PKP2: variants seen among roughly 807,000 people sequenced by gnomAD.
PKP2 encodes plakophilin-2.
In PKP2, 73 loss-of-function variants were observed where a neutral mutation model predicts 83.4. The ratio of observed to expected loss-of-function variants is 0.88; its 90% CI spans 0.72 to 1.06. The LOEUF is 1.06. Ranked by LOEUF, PKP2 falls within the 50% of genes least tolerant of loss-of-function variation. PKP2 has a pLI of 0.00. For synonymous variants in PKP2, 409 were observed against 430.4 expected (o/e 0.95, Z 0.62); for missense variants, 966 against 1,065.4 (o/e 0.91, Z 1.30).
chr12:32,806,234 G>A (rs1433193863), intron 9 of PKP2, among the ~76,000 whole-genome samples: 1 of 152,182 alleles, frequency 6.6e-6, no homozygotes, highest in Non-Finnish European at 1.5e-5. Flanking sequence ...CACACAATCA[G>A]TTAGGGAGGA....
chr12:32,810,675 ATT>A (rs1222143443), intron 9 of PKP2, among the ~76,000 whole-genome samples: 2 of 28,750 alleles, frequency 7.0e-5, no homozygotes, highest in Non-Finnish European at 1.2e-4. Flanking sequence ...TAGAATAAAC[ATT>A]TTTTTTTTTT....
intron 1 of PKP2, among the ~76,000 whole-genome samples, chr12:32,890,074 CAAA>C (rs55957473): frequency 3.1e-5 from 2 of 64,006 alleles, no homozygotes; most frequent in Non-Finnish European, 5.3e-5. Flanking sequence ...GACTCCATCT[CAAA>C]AAAAAAAAAA....
At chr12:32,806,692 G>GTGTGTGTGTGTGTGTGTC (rs1473712794) in intron 9 of PKP2, among the ~76,000 whole-genome samples, 1 of 151,944 alleles carries the variant, frequency 6.6e-6, no homozygotes, top group Non-Finnish European at 1.5e-5. Flanking sequence ...GGGTTTGTGT[G>GTGTGTGTGTGTGTGTGTC]TGTGTGTGTG....
At chr12:32,824,333 A>G in intron 6 of PKP2, 171 bp from the exon 7 acceptor site, 8 of 631,262 alleles carry the variant, frequency 1.3e-5, no homozygotes, top group Non-Finnish European at 2.0e-5. Flanking sequence ...TAGATCAACT[A>G]TGAACATACT....
intron 5 of PKP2, among the ~76,000 whole-genome samples, chr12:32,850,382 C>T (rs979233010): frequency 6.6e-6 from 1 of 151,896 alleles, no homozygotes; most frequent in African/African-American, 2.4e-5. Context: ...TGAAACTAAA[C>T]TTTAGTAGAA....
intron 5 of PKP2, among the ~76,000 whole-genome samples, chr12:32,846,205 A>G (rs1395182404): frequency 6.6e-6 from 1 of 152,080 alleles, no homozygotes; most frequent in East Asian, 1.9e-4. Flanking sequence ...ATCCCTGCTC[A>G]CTCCAGCCAA....
At chr12:32,872,174 T>C (rs1209556764) in intron 3 of PKP2, among the ~76,000 whole-genome samples, 2 of 152,066 alleles carry the variant, frequency 1.3e-5, no homozygotes, top group African/African-American at 2.4e-5. Context: ...AATTTAAAAA[T>C]GTAAGAGAAA....
chr12:32,884,464 A>G (rs1957012721), intron 1 of PKP2, among the ~76,000 whole-genome samples: 1 of 152,154 alleles, frequency 6.6e-6, no homozygotes, highest in Non-Finnish European at 1.5e-5. Flanking sequence ...AAGAAAAAAA[A>G]TAAATATACA....
intron 9 of PKP2, among the ~76,000 whole-genome samples, chr12:32,817,204 T>G (rs1002355776): frequency 6.6e-6 from 1 of 152,208 alleles, no homozygotes; most frequent in African/African-American, 2.4e-5. Flanking sequence ...ATTCAATAAA[T>G]GGTGCTGGGA....
chr12:32,863,101 T>TA (rs1956816021), intron 4 of PKP2: 2 of 157,350 alleles, frequency 1.3e-5, no homozygotes, highest in African/African-American at 4.8e-5. Flanking sequence ...TAAATGGAAA[T>TA]ACGACTGGAA....
In PKP2 at chr12:32,794,037, C is replaced by T. The variant is rs189298991; in HGVS notation, c.2358-1306G>A. Among the ~76,000 whole-genome samples, 6 of 152,262 alleles carry T rather than the reference C, an allele frequency of 3.9e-5. No homozygotes were observed. The East Asian group carries it at 1.2e-3, about 29-fold the overall frequency. On this transcript the variant is annotated intron_variant, in intron 11 of 12. Transcript: ENST00000340811. ...AAAGATTCTTTTTCCCCCCATATCACAGGCATTTGTAAACATAAAACCAAA... is the reference window on the plus strand; with the variant it reads ...AAAGATTCTTTTTCCCCCCATATCATAGGCATTTGTAAACATAAAACCAAA...
chr12:32,889,739 G>T (rs543369702), intron 1 of PKP2, among the ~76,000 whole-genome samples: 1 of 152,296 alleles, frequency 6.6e-6, no homozygotes, highest in Non-Finnish European at 1.5e-5. Flanking sequence ...GGTATACGGA[G>T]AGGAAGGAAA....
At position 32,867,358 on chromosome 12, in the gene PKP2, G is replaced by A. The variant is rs147791546; in HGVS notation, c.1170+1569C>T. On this transcript the variant is annotated intron_variant, in intron 4 of 12. Coordinates refer to ENST00000340811, the MANE Select transcript of PKP2 (RefSeq NM_001005242.3). ...ATAGAAAGAAAGCAGATCACTGGTT[G>A]TTTTGGGAGGCTGTTCGTAGGTTGA... 4.1e-4 allele frequency among the ~76,000 whole-genome samples: 63 copies of A among 152,258 alleles called. 1 individual carries two copies. The highest frequency in any genetic ancestry group is 1.5e-3 in the African/African-American group (62 of 41,562).
intron 6 of PKP2, among the ~76,000 whole-genome samples, chr12:32,835,777 G>T (rs1390250417): frequency 6.6e-6 from 1 of 152,178 alleles, no homozygotes; most frequent in Non-Finnish European, 1.5e-5. Flanking sequence ...GCTTTCTGGG[G>T]CTGGGGGAGG....
intron 1 of PKP2, among the ~76,000 whole-genome samples, chr12:32,889,313 T>G (rs532121133): frequency 6.6e-6 from 1 of 152,320 alleles, no homozygotes; most frequent in South Asian, 2.1e-4. Flanking sequence ...ATTTTACTCT[T>G]GCAGATAACA....
intron 4 of PKP2, among the ~76,000 whole-genome samples, chr12:32,851,912 A>G (rs1012956914): frequency 1.3e-5 from 2 of 152,254 alleles, no homozygotes; most frequent in African/African-American, 4.8e-5. Context: ...ATACGTAAGA[A>G]AGCGCATGCT....
At chr12:32,868,608 C>T (rs1039847553) in intron 4 of PKP2, among the ~76,000 whole-genome samples, 2 of 151,882 alleles carry the variant, frequency 1.3e-5, no homozygotes, top group Non-Finnish European at 2.9e-5. Context: ...CCGCAACCTC[C>T]GCCTTCTGGC....
At chr12:32,891,872 T>A (rs923158038) in intron 1 of PKP2, among the ~76,000 whole-genome samples, 1 of 151,988 alleles carries the variant, frequency 6.6e-6, no homozygotes, top group Non-Finnish European at 1.5e-5. Flanking sequence ...GGGTGTGAAG[T>A]TTTTTTTGTT....
At chr12:32,882,457 C>T (rs1306275270) in intron 1 of PKP2, among the ~76,000 whole-genome samples, 2 of 152,122 alleles carry the variant, frequency 1.3e-5, no homozygotes, top group East Asian at 1.9e-4. Flanking sequence ...CAGTTAATGG[C>T]GTGCTTCTTC....
Sources: allele counts gnomAD v4.1 joint callset (sites outside exome capture counted in the v4.1 genomes callset), GRCh38; gene constraint gnomAD v4.1.1; transcripts MANE v1.5; gene names NCBI Gene and HGNC (gene_info 2026-07-23, HGNC 2026-07-21).